Variants in APBA2 observed in about 807,000 individuals in gnomAD.
APBA2 encodes the protein amyloid beta precursor protein binding family A member 2, also known as amyloid-beta A4 precursor protein-binding family A member 2.
A neutral mutation model predicts 75.0 loss-of-function variants in APBA2; 30 were observed. The ratio of observed to expected loss-of-function variants is 0.40; its 90% CI spans 0.30 to 0.54. The LOEUF (loss-of-function observed/expected upper bound fraction) is 0.54, where lower values mean the gene tolerates loss of function less well. Among genes scored for constraint, APBA2 ranks in the 20% least tolerant of loss-of-function variants. The probability of loss-of-function intolerance (pLI) is 0.49; values close to 1 mark genes in which losing one functional copy is unlikely to be tolerated. For synonymous variants in APBA2, 444 were observed against 409.6 expected, an observed-to-expected ratio of 1.08 and a Z score of -1.01; for missense variants, 801 against 1,016.1, an observed-to-expected ratio of 0.79 and a Z score of 2.88.
In APBA2 at chr15:28,955,640, ATAGTCATTTATTTAACTG is replaced by A. The variant is rs2152729276; in HGVS notation, c.-95+33895_-95+33912del. 2.0e-5 allele frequency among the ~76,000 whole-genome samples: 3 copies of A among 152,362 alleles called. No homozygotes were observed. The South Asian group carries it at 6.2e-4, about 32-fold the overall frequency. Reference sequence around the variant, plus strand: ...TAAGAGGGTCTAAGAAGCCAGTTTTATAGTCATTTATTTAACTGTAGAGAACAATGAAGTTAAACACAA... The same window carrying A: ...TAAGAGGGTCTAAGAAGCCAGTTTTATAGAGAACAATGAAGTTAAACACAA... On this transcript the variant is annotated intron_variant, in intron 2 of 14. Transcript: ENST00000683413.
intron 6 of APBA2, among the ~76,000 whole-genome samples, chr15:29,085,050 TAGTAATTGATTAGA>T (rs1639367931): frequency 6.6e-6 from 1 of 152,220 alleles, no homozygotes; most frequent in South Asian, 2.1e-4. Flanking sequence ...TGTCTAGATC[TAGTAATTGATTAGA>T]AGTTGCCAAA....
chr15:28,987,725 G>GATATATATATATAT (rs1469936230), intron 2 of APBA2, among the ~76,000 whole-genome samples: 1,206 of 117,846 alleles, frequency 0.01, 16 homozygotes, highest in South Asian at 0.018. Flanking sequence ...AATATGTGGA[G>GATATATATATATAT]AGAGATATAT....
At chr15:29,085,238 T>C (rs1312382161) in intron 6 of APBA2, among the ~76,000 whole-genome samples, 1 of 152,118 alleles carries the variant, frequency 6.6e-6, no homozygotes. Flanking sequence ...TAAAAATTAA[T>C]GAGTTGGCTG....
intron 14 of APBA2, among the ~76,000 whole-genome samples, chr15:29,115,817 A>G (rs1427072297): frequency 1.3e-5 from 2 of 152,154 alleles, no homozygotes; most frequent in African/African-American, 4.8e-5. Context: ...GAGGGAGGGC[A>G]ACGCTCAGAA....
At position 29,106,822 on chromosome 15, in the gene APBA2, A is replaced by G; in HGVS notation, c.1917+3A>G. On this transcript the variant is annotated splice_donor_region_variant and intron_variant, in intron 12 of 14. Transcript: ENST00000683413. The stretch of plus-strand genomic sequence containing the variant: ...CCACCTGCCAAGGCATCATCAAGGT[A>G]GGCACCCTGGGATCCTCCGCCCAGG... 1 of 1,612,312 alleles carries G rather than the reference A, an allele frequency of 6.2e-7. No homozygotes were observed. Among genetic ancestry groups the G allele is most frequent in the Non-Finnish European group, 8.5e-7 (1 of 1,179,452 alleles).
At chr15:28,940,386 A>AAAAAAAAAAAAC (rs2035138652) in intron 2 of APBA2, among the ~76,000 whole-genome samples, 1 of 127,186 alleles carries the variant, frequency 7.9e-6, no homozygotes, top group Non-Finnish European at 1.6e-5. Context: ...AAAAAAAAAA[A>AAAAAAAAAAAAC]ATAGCGGGGC....
chr15:28,902,817 C>T (rs1460321768), intron 1 of APBA2, among the ~76,000 whole-genome samples: 1 of 152,160 alleles, frequency 6.6e-6, no homozygotes, highest in African/African-American at 2.4e-5. Context: ...CCTCACTGTT[C>T]CCCCATCTGT....
At chr15:28,960,615 G>C (rs1490430094) in intron 2 of APBA2, among the ~76,000 whole-genome samples, 1 of 152,042 alleles carries the variant, frequency 6.6e-6, no homozygotes, top group African/African-American at 2.4e-5. Context: ...TCCCCTTTAG[G>C]AACTGAGGCT....
intron 3 of APBA2, among the ~76,000 whole-genome samples, chr15:29,004,270 C>G (rs2038998116): frequency 6.6e-6 from 1 of 152,320 alleles, no homozygotes; most frequent in Admixed American, 6.5e-5. Context: ...TTCCTGATCT[C>G]AGTCTTGGAA....
chr15:29,051,577 C>T (rs1043180790), intron 3 of APBA2, among the ~76,000 whole-genome samples: 2 of 152,164 alleles, frequency 1.3e-5, no homozygotes, highest in Non-Finnish European at 2.9e-5. Flanking sequence ...AGTGTCTGGA[C>T]TGGATGAAAT....
At chr15:28,997,809 G>A (rs996382903) in intron 3 of APBA2, among the ~76,000 whole-genome samples, 3 of 152,118 alleles carry the variant, frequency 2.0e-5, no homozygotes, top group Admixed American at 6.5e-5. Context: ...ACTATTAGAC[G>A]ATCAAAATCA....
At chr15:28,923,454 T>C (rs985257350) in intron 2 of APBA2, among the ~76,000 whole-genome samples, 4 of 152,184 alleles carry the variant, frequency 2.6e-5, no homozygotes, top group Middle Eastern at 3.4e-3. Flanking sequence ...TGAACCCTTA[T>C]GCAGTGTGTA....
intron 2 of APBA2, among the ~76,000 whole-genome samples, chr15:28,931,598 A>G (rs1215339817): frequency 1.3e-5 from 2 of 152,196 alleles, no homozygotes; most frequent in Non-Finnish European, 2.9e-5. Context: ...CTGGCTTTGC[A>G]CAGGTGGAAG....
chr15:29,009,952 A>G (rs991002634), intron 3 of APBA2, among the ~76,000 whole-genome samples: 1 of 152,084 alleles, frequency 6.6e-6, no homozygotes, highest in Non-Finnish European at 1.5e-5. Context: ...GGGTCTGGGT[A>G]TGTTTCTATT....
intron 3 of APBA2, among the ~76,000 whole-genome samples, chr15:29,011,195 T>C (rs755855765): frequency 6.6e-6 from 1 of 152,230 alleles, no homozygotes; most frequent in Non-Finnish European, 1.5e-5. Flanking sequence ...CTGAATAATA[T>C]TATGTGGTAT....
chr15:28,899,264 A>G (rs1450419188), intron 1 of APBA2, among the ~76,000 whole-genome samples: 4 of 152,150 alleles, frequency 2.6e-5, no homozygotes, highest in Non-Finnish European at 5.9e-5. Flanking sequence ...TCCTTTGCCT[A>G]CGTCTCTCCC....
intron 3 of APBA2, among the ~76,000 whole-genome samples, chr15:29,005,261 C>CT (rs148385088): frequency 1.7e-4 from 25 of 151,322 alleles, no homozygotes; most frequent in African/African-American, 2.2e-4. Context: ...AATAATGTGC[C>CT]TTTTTTTTTG....
chr15:28,893,399 C>G (rs1490529398), intron 1 of APBA2, among the ~76,000 whole-genome samples: 1 of 152,210 alleles, frequency 6.6e-6, no homozygotes. Flanking sequence ...CTGGCTAGTA[C>G]TTGTGAAAGC....
chr15:28,965,177 C>CT (rs1016243664), intron 2 of APBA2, among the ~76,000 whole-genome samples: 10 of 150,962 alleles, frequency 6.6e-5, no homozygotes, highest in Admixed American at 2.0e-4. Context: ...TTTCTTTTTT[C>CT]TTTTTTTGCC....
Sources: gnomAD v4.1 joint callset for allele counts (sites outside exome capture counted in the v4.1 genomes callset) on GRCh38, gnomAD v4.1.1 for gene constraint, MANE v1.5 for transcripts, NCBI Gene and HGNC (gene_info 2026-07-23, HGNC 2026-07-21) for gene names.